Variants in LSAMP observed in about 807,000 individuals in gnomAD.
LSAMP encodes limbic system-associated membrane protein.
LSAMP carries 7 observed loss-of-function variants against 38.6 expected under a neutral mutation model. That is an observed-to-expected ratio of 0.18 (90% CI 0.10 to 0.34). The LOEUF is 0.34. Ranked by LOEUF, LSAMP falls within the 10% of genes least tolerant of loss-of-function variation. The pLI, the probability that LSAMP is intolerant of heterozygous loss-of-function variation, is 1.00. For missense variants in LSAMP, 313 were observed against 420.0 expected (o/e 0.75, Z 2.23); for synonymous variants, 154 against 166.8 (o/e 0.92, Z 0.59).
intron 1 of LSAMP, among the ~76,000 whole-genome samples, chr3:116,158,061 C>A (rs1177902883): frequency 6.6e-6 from 1 of 151,952 alleles, no homozygotes; most frequent in Admixed American, 6.6e-5. Flanking sequence ...ATACACAAAT[C>A]AATAAATGTT....
chr3:116,262,903 G>T (rs1329584637), intron 1 of LSAMP, among the ~76,000 whole-genome samples: 1 of 152,150 alleles, frequency 6.6e-6, no homozygotes, highest in African/African-American at 2.4e-5. Context: ...CAGGTGAAGG[G>T]ATTGAGGACT....
intron 6 of LSAMP, among the ~76,000 whole-genome samples, chr3:115,815,955 G>A (rs1312169217): frequency 6.6e-6 from 1 of 152,118 alleles, no homozygotes; most frequent in Non-Finnish European, 1.5e-5. Flanking sequence ...CTGGTGGGAT[G>A]TAAGTTCCGC....
intron 4 of LSAMP, among the ~76,000 whole-genome samples, chr3:115,847,621 C>T (rs1327688245): frequency 3.3e-5 from 5 of 152,104 alleles, no homozygotes; most frequent in Non-Finnish European, 5.9e-5. Context: ...GTGCTGTTCT[C>T]GTGATAGTGA....
intron 1 of LSAMP, among the ~76,000 whole-genome samples, chr3:116,223,334 G>A (rs1269881608): frequency 1.3e-5 from 2 of 152,118 alleles, no homozygotes; most frequent in East Asian, 3.9e-4. Context: ...AATATTTATT[G>A]AGCACTTACA....
chr3:116,080,212 AGATTCAAT>A, intron 2 of LSAMP, among the ~76,000 whole-genome samples: 1 of 152,314 alleles, frequency 6.6e-6, no homozygotes, highest in Middle Eastern at 3.4e-3. Context: ...AAATCTTCAT[AGATTCAAT>A]GATTCAAGAT....
At chr3:116,376,188 G>A (rs2048490609) in intron 1 of LSAMP, among the ~76,000 whole-genome samples, 1 of 151,976 alleles carries the variant, frequency 6.6e-6, no homozygotes, top group Non-Finnish European at 1.5e-5. Context: ...TATAAGGAAT[G>A]CTCTTTGAAT....
At chr3:115,941,558 C>T (rs542724319) in intron 3 of LSAMP, among the ~76,000 whole-genome samples, 83 of 151,956 alleles carry the variant, frequency 5.5e-4, no homozygotes, top group Non-Finnish European at 9.1e-4. Flanking sequence ...TAAAAATTGG[C>T]GCACACACAC....
chr3:116,411,133 C>T (rs909812450), intron 1 of LSAMP, among the ~76,000 whole-genome samples: 1 of 152,062 alleles, frequency 6.6e-6, no homozygotes, highest in Admixed American at 6.6e-5. Context: ...ACAACAGGTG[C>T]TGGAGAGGAT....
At chr3:115,998,726 G>T (rs1205979662) in intron 3 of LSAMP, among the ~76,000 whole-genome samples, 3 of 152,062 alleles carry the variant, frequency 2.0e-5, no homozygotes, top group Non-Finnish European at 4.4e-5. Flanking sequence ...TAAAAACATA[G>T]ATGCTTTGAG....
At chr3:116,010,793 T>C (rs766596494) in intron 3 of LSAMP, among the ~76,000 whole-genome samples, 8 of 152,214 alleles carry the variant, frequency 5.3e-5, no homozygotes, top group Non-Finnish European at 8.8e-5. Flanking sequence ...AGTTCTATAA[T>C]TCTATTGTAT....
At chr3:115,869,271 A>G (rs1372213051) in intron 3 of LSAMP, among the ~76,000 whole-genome samples, 23 of 140,030 alleles carry the variant, frequency 1.6e-4, no homozygotes, top group Non-Finnish European at 2.8e-4. Context: ...TTGGAGGGGG[A>G]GAGAGAGAGA....
chr3:116,208,846 T>A (rs2046108869), intron 1 of LSAMP, among the ~76,000 whole-genome samples: 1 of 152,198 alleles, frequency 6.6e-6, no homozygotes, highest in South Asian at 2.1e-4. Context: ...TTTACTGCTG[T>A]CTTTTTGTTT....
intron 1 of LSAMP, among the ~76,000 whole-genome samples, chr3:116,391,166 C>T (rs2107812512): frequency 6.6e-6 from 1 of 152,260 alleles, no homozygotes; most frequent in East Asian, 1.9e-4. Context: ...GGAATGATTC[C>T]GGGGAAATCA....
Position 116,347,887 on chromosome 3 carries a change from A to C in LSAMP, c.155+96990T>G, listed in dbSNP as rs999847956. Among the ~76,000 whole-genome samples, 4 of 152,222 alleles carry C rather than the reference A, an allele frequency of 2.6e-5. No individual in the cohort carries two copies. In the South Asian group the frequency reaches 6.2e-4, roughly 24 times the overall value. ...GGAAGAGGGACAAGGAAAGACAGAT[A>C]TAAAAAGAGAATGAGATGAAAAATA... On this transcript the variant is annotated intron_variant, in intron 1 of 6. Coordinates refer to ENST00000490035, the MANE Select transcript of LSAMP (RefSeq NM_002338.5).
intron 3 of LSAMP, among the ~76,000 whole-genome samples, chr3:116,008,600 T>C (rs182273408): frequency 2.6e-5 from 4 of 152,318 alleles, no homozygotes; most frequent in Admixed American, 2.6e-4. Flanking sequence ...GCATCTGATG[T>C]AGCAGGTACA....
intron 1 of LSAMP, among the ~76,000 whole-genome samples, chr3:116,300,761 C>A (rs1392572145): frequency 2.0e-5 from 3 of 152,090 alleles, no homozygotes; most frequent in Non-Finnish European, 4.4e-5. Flanking sequence ...ATGAAACCAG[C>A]CCCTGGTGCC....
intron 6 of LSAMP, among the ~76,000 whole-genome samples, chr3:115,812,352 G>A (rs1414937643): frequency 1.3e-5 from 2 of 152,132 alleles, no homozygotes; most frequent in Non-Finnish European, 2.9e-5. Flanking sequence ...TGCATTTCAT[G>A]AGGAATTAAG....
chr3:116,371,218 G>T (rs2048425183), intron 1 of LSAMP, among the ~76,000 whole-genome samples: 3 of 152,044 alleles, frequency 2.0e-5, no homozygotes. Context: ...GCATTACCCT[G>T]ATATCAAAGC....
At chr3:116,351,290 T>A (rs1265759381) in intron 1 of LSAMP, among the ~76,000 whole-genome samples, 1 of 152,006 alleles carries the variant, frequency 6.6e-6, no homozygotes, top group Non-Finnish European at 1.5e-5. Flanking sequence ...TCCCACACCC[T>A]ACCTTCCAAT....
Sources: gnomAD v4.1 joint callset for allele counts (sites outside exome capture counted in the v4.1 genomes callset) on GRCh38, gnomAD v4.1.1 for gene constraint, MANE v1.5 for transcripts, NCBI Gene and HGNC (gene_info 2026-07-23, HGNC 2026-07-21) for gene names.